The following FOXJ1 variants were observed in gnomAD, a reference collection of about 807,000 sequenced individuals.
FOXJ1 encodes the protein forkhead box protein J1.
FOXJ1 carries 8 observed loss-of-function variants against 29.3 expected under a neutral mutation model. That is an observed-to-expected ratio of 0.27 (90% CI 0.16 to 0.49). The LOEUF (loss-of-function observed/expected upper bound fraction) is 0.49, where lower values mean the gene tolerates loss of function less well. Ranked by LOEUF, FOXJ1 falls within the 20% of genes least tolerant of loss-of-function variation. The probability of loss-of-function intolerance (pLI) is 0.98; values close to 1 mark genes in which losing one functional copy is unlikely to be tolerated. For synonymous variants in FOXJ1, 280 were observed against 278.7 expected (o/e 1.00, Z -0.05); for missense variants, 539 against 595.5 (o/e 0.91, Z 0.99).
chr17:76,137,628 C>G lies in FOXJ1; in HGVS notation c.991G>C (p.Glu331Gln). 1 of 1,594,812 alleles carries G rather than the reference C, an allele frequency of 6.3e-7. No individual in the cohort carries two copies. Among genetic ancestry groups the G allele is most frequent in the African/African-American group, 1.3e-5 (1 of 74,714 alleles). Reference sequence around the variant, plus strand: ...GCGGGGCTCAGAGGCGGGCTCAGCTCCAGGGCCTCCAGTGCACCCAGCTCC... The same window carrying G: ...GCGGGGCTCAGAGGCGGGCTCAGCTGCAGGGCCTCCAGTGCACCCAGCTCC... The part of the protein sequence containing the change: ...GGELGALEAL[E>Q]LSPPLSPASH... The change falls in exon 3 of 3, where the codon GAG (glutamate) becomes CAG (glutamine). Residue 331 changes from glutamate to glutamine, a missense_variant. Physicochemically the swap from Glu to Gln is conservative, Grantham distance 29. Around this residue, in one of 3 missense-constraint regions of FOXJ1, gnomAD observed 302 missense variants for 293.6 expected, o/e 1.03. Transcript: ENST00000322957. This position sits in a 1 kb window ranked among gnomAD's most constrained non-coding sequence, Gnocchi z 9.5.
rs2068499436 is a variant in FOXJ1, at chr17:76,139,182, T to A, written c.498+716A>T. ...TGCTCAGTGCCTGGTTCCAGAGACG[T>A]GGAACACGAAGTGAGTGTGGTAGGC... On this transcript the variant is annotated intron_variant, in intron 2 of 2. Coordinates refer to ENST00000322957, the MANE Select transcript of FOXJ1 (RefSeq NM_001454.4). The surrounding 1 kb of genome is among the most constrained non-coding windows in gnomAD (Gnocchi z 6.6). 6.6e-6 allele frequency among the ~76,000 whole-genome samples: 1 copy of A among 151,992 alleles called. No homozygotes were observed. Among genetic ancestry groups the A allele is most frequent in the Non-Finnish European group, 1.5e-5 (1 of 67,986 alleles).
rs71382199 is a variant in FOXJ1, at chr17:76,139,855, G to C, written c.498+43C>G. On this transcript the variant is annotated intron_variant, in intron 2 of 2. Transcript: ENST00000322957. The surrounding 1 kb of genome is among the most constrained non-coding windows in gnomAD (Gnocchi z 6.6). Reference sequence around the variant, plus strand: ...AATCCAGTGCAGCGTGGGGAGCGAGGAGGGAATGGGGAGGGAGCGGCCGCC... The same window carrying C: ...AATCCAGTGCAGCGTGGGGAGCGAGCAGGGAATGGGGAGGGAGCGGCCGCC... 10,332 of 1,555,318 alleles carry C rather than the reference G, an allele frequency of 6.6e-3. 52 individuals carry two copies. The highest frequency in any genetic ancestry group is 0.013 in the Middle Eastern group (77 of 5,982).
In FOXJ1 at chr17:76,140,572, G is replaced by GC; in HGVS notation, c.-169-9_-169-8insG. On this transcript the variant is annotated splice_polypyrimidine_tract_variant and intron_variant, in intron 1 of 2. Coordinates refer to ENST00000322957, the MANE Select transcript of FOXJ1 (RefSeq NM_001454.4). The surrounding 1 kb of genome is among the most constrained non-coding windows in gnomAD (Gnocchi z 8.0). ...CGAATAAGTATGTGGTGCCTGCGAG[G>GC]ACCACGGTGGGAGCTGAGCACTACC... is the stretch of plus-strand genomic sequence containing the variant. The GC allele has an allele frequency of 1.8e-6, 1 of 556,760 alleles. No homozygotes were observed. Among genetic ancestry groups the GC allele is most frequent in the Non-Finnish European group, 3.0e-6 (1 of 331,546 alleles). 34.5% of individuals were successfully genotyped at this position (556,760 alleles called of 1,614,324 possible).
At chr17:76,138,925 TG>T (rs2068498154) in intron 2 of FOXJ1, among the ~76,000 whole-genome samples, 1 of 152,096 alleles carries the variant, frequency 6.6e-6, no homozygotes, top group South Asian at 2.1e-4. Flanking sequence ...TGGGCGTCCT[TG>T]GGGGGCCCCT....
chr17:76,137,691 C>A lies in FOXJ1; in HGVS notation c.928G>T (p.Asp310Tyr). 6.2e-7 allele frequency: 1 copy of A among 1,612,648 alleles called. No homozygotes were observed. ...GELEPLKGNF[D>Y]WEAIFDAGTL... ...CCGGCGTCGAAGATGGCCTCCCAGT[C>A]AAAGTTGCCTTTGAGGGGTTCCAGC... The change falls in exon 3 of 3, where the codon GAC becomes TAC. Residue 310 changes from aspartate (D) to tyrosine (Y), a missense_variant. Asp to Tyr is a radical substitution (Grantham distance 160, BLOSUM62 -3). Coordinates refer to ENST00000322957, the MANE Select transcript of FOXJ1 (RefSeq NM_001454.4). This position sits in a 1 kb window ranked among gnomAD's most constrained non-coding sequence, Gnocchi z 9.5.
At position 76,139,845 on chromosome 17, in the gene FOXJ1, G is replaced by A; in HGVS notation, c.498+53C>T. On this transcript the variant is annotated intron_variant, in intron 2 of 2. Coordinates refer to ENST00000322957, the MANE Select transcript of FOXJ1 (RefSeq NM_001454.4). The surrounding 1 kb of genome is among the most constrained non-coding windows in gnomAD (Gnocchi z 6.6). ...TTGGGATATGAATCCAGTGCAGCGT[G>A]GGGAGCGAGGAGGGAATGGGGAGGG... 2 of 1,543,654 alleles carry A rather than the reference G, an allele frequency of 1.3e-6. No homozygotes were observed. Among genetic ancestry groups the A allele is most frequent in the Non-Finnish European group, 1.8e-6 (2 of 1,140,802 alleles).
At chr17:76,138,311 G>C (rs1042888356) in intron 2 of FOXJ1, among the ~76,000 whole-genome samples, 191 bp from the exon 3 acceptor site, 1 of 152,222 alleles carries the variant, frequency 6.6e-6, no homozygotes, top group African/African-American at 2.4e-5. Flanking sequence ...CTGGGAGCCC[G>C]GAGTGCTGTC....
rs974181711 is a variant in FOXJ1, at chr17:76,137,845, G to C, written c.774C>G (p.Thr258=). ...QQLLREFEEA[T]GEAGWGAGEG... ...CGCCTGCACCCCAGCCCGCCTCCCC[G>C]GTGGCCTCCTCGAACTCCCGCAGCA... is the stretch of plus-strand genomic sequence containing the variant. Residue 258 remains threonine (T), a synonymous_variant, in exon 3 of 3, where the codon ACC becomes ACG. Transcript: ENST00000322957. The surrounding 1 kb of genome is among the most constrained non-coding windows in gnomAD (Gnocchi z 9.5). 1.9e-6 allele frequency: 3 copies of C among 1,591,980 alleles called. No individual in the cohort carries two copies. In the African/African-American group the frequency reaches 4.0e-5, roughly 21 times the overall value.
At chr17:76,138,686 A>G (rs1306843068) in intron 2 of FOXJ1, among the ~76,000 whole-genome samples, 1 of 148,906 alleles carries the variant, frequency 6.7e-6, no homozygotes, top group Non-Finnish European at 1.5e-5. Flanking sequence ...CCCTCCCCCC[A>G]CTCCAGGCTC....
At position 76,140,407 on chromosome 17, in the gene FOXJ1, C is replaced by G; in HGVS notation, c.-12G>C. ...CAGCTCTCCGCCATGTCTGCGGGGA[C>G]TCTCCGAGGGGGCGGTCAGCATCCA... On this transcript the variant is annotated 5_prime_UTR_variant, in exon 2 of 3. Coordinates refer to ENST00000322957, the MANE Select transcript of FOXJ1 (RefSeq NM_001454.4). This position sits in a 1 kb window ranked among gnomAD's most constrained non-coding sequence, Gnocchi z 8.0. 6.9e-7 allele frequency: 1 copy of G among 1,440,480 alleles called. No individual in the cohort carries two copies. Among genetic ancestry groups the G allele is most frequent in the Non-Finnish European group, 9.0e-7 (1 of 1,107,694 alleles). The allele number at this position is 1,440,480 out of a possible 1,614,324, so 89.2% of individuals were successfully genotyped here.
chr17:76,138,310 C>T (rs563610807), intron 2 of FOXJ1, among the ~76,000 whole-genome samples, 190 bp from the exon 3 acceptor site: 9 of 152,320 alleles, frequency 5.9e-5, no homozygotes, highest in African/African-American at 2.2e-4. Context: ...ACTGGGAGCC[C>T]GGAGTGCTGT....
In FOXJ1 at chr17:76,137,920, G is replaced by A. The variant is rs757724339; in HGVS notation, c.699C>T (p.Ser233=). 8 of 1,571,482 alleles carry A rather than the reference G, an allele frequency of 5.1e-6. No homozygotes were observed. The highest frequency in any genetic ancestry group is 3.7e-5 in the Admixed American group (2 of 53,504). The change falls in exon 3 of 3, where the codon AGC becomes AGT. Residue 233 remains serine, a synonymous_variant. Coordinates refer to ENST00000322957, the MANE Select transcript of FOXJ1 (RefSeq NM_001454.4). This position sits in a 1 kb window ranked among gnomAD's most constrained non-coding sequence, Gnocchi z 9.5. ...AFARQAAQEP[S]AVPRAGPLTV... is the part of the protein sequence containing the mutation. The stretch of plus-strand genomic sequence containing the variant: ...TCAGCGGCCCGGCCCGGGGGACAGC[G>A]CTGGGCTCCTGCGCGGCCTGGCGGG...
At position 76,139,195 on chromosome 17, in the gene FOXJ1, GAGTGTGGT is replaced by G. The variant is rs1487376581; in HGVS notation, c.498+695_498+702del. On this transcript the variant is annotated intron_variant, in intron 2 of 2. Transcript: ENST00000322957. The surrounding 1 kb of genome is among the most constrained non-coding windows in gnomAD (Gnocchi z 6.6). ...GTTCCAGAGACGTGGAACACGAAGT[GAGTGTGGT>G]AGGCAGAGCCCCAGTGGAAGGCACC... 2.6e-5 allele frequency among the ~76,000 whole-genome samples: 4 copies of G among 152,172 alleles called. No individual in the cohort carries two copies. Among genetic ancestry groups the G allele is most frequent in the Non-Finnish European group, 5.9e-5 (4 of 68,020 alleles).
rs751106371 is a variant in FOXJ1, at chr17:76,137,620, G to T, written c.999C>A (p.Ser333Arg). Residue 333 changes from serine to arginine, a missense_variant, in exon 3 of 3, where the codon AGC becomes AGA. Coordinates refer to ENST00000322957, the MANE Select transcript of FOXJ1 (RefSeq NM_001454.4). The surrounding 1 kb of genome is among the most constrained non-coding windows in gnomAD (Gnocchi z 9.5). ...CGTGTGAGGCGGGGCTCAGAGGCGG[G>T]CTCAGCTCCAGGGCCTCCAGTGCAC... Reference protein sequence around the residue: ...ELGALEALELSPPLSPASHVD... With the variant: ...ELGALEALELRPPLSPASHVD... 3.8e-6 allele frequency: 6 copies of T among 1,591,010 alleles called. No individual in the cohort carries two copies. Among genetic ancestry groups the T allele is most frequent in the Non-Finnish European group, 5.1e-6 (6 of 1,168,650 alleles).
At chr17:76,138,897 G>T (rs971998468) in intron 2 of FOXJ1, among the ~76,000 whole-genome samples, 1 of 152,184 alleles carries the variant, frequency 6.6e-6, no homozygotes, top group Non-Finnish European at 1.5e-5. Flanking sequence ...CCCGCTTTGG[G>T]TGCTTCAGGG....
chr17:76,140,765 C>A lies in FOXJ1; in HGVS notation c.-169-201G>T. ...CCTTTCCTCTTCGAGGTTTTATTAG[C>A]CAAATGAAGAGGGTAGGGGCATCCG... is the stretch of plus-strand genomic sequence containing the variant. On this transcript the variant is annotated intron_variant, in intron 1 of 2. Coordinates refer to ENST00000322957, the MANE Select transcript of FOXJ1 (RefSeq NM_001454.4). The surrounding 1 kb of genome is among the most constrained non-coding windows in gnomAD (Gnocchi z 8.0). 1 of 214,766 alleles carries A rather than the reference C, an allele frequency of 4.7e-6. No individual in the cohort carries two copies. Among genetic ancestry groups the A allele is most frequent in the Middle Eastern group, 1.6e-3 (1 of 618 alleles). The allele number at this position is 214,766 out of a possible 1,614,324, so 13.3% of individuals were successfully genotyped here. A position where few individuals can be genotyped will look rare whatever the true frequency, so the allele number is the denominator to read the frequency against.
chr17:76,140,752 G>T lies in FOXJ1; in HGVS notation c.-169-188C>A. ...CTGCCTCCCTCTTCCTTTCCTCTTC[G>T]AGGTTTTATTAGCCAAATGAAGAGG... is the stretch of plus-strand genomic sequence containing the variant. On this transcript the variant is annotated intron_variant, in intron 1 of 2. Coordinates refer to ENST00000322957, the MANE Select transcript of FOXJ1 (RefSeq NM_001454.4). This position sits in a 1 kb window ranked among gnomAD's most constrained non-coding sequence, Gnocchi z 8.0. 1 of 236,188 alleles carries T rather than the reference G, an allele frequency of 4.2e-6. No individual in the cohort carries two copies. The highest frequency in any genetic ancestry group is 8.1e-6 in the Non-Finnish European group (1 of 123,068). 14.6% of individuals were successfully genotyped at this position (236,188 alleles called of 1,614,324 possible). A position where few individuals can be genotyped will look rare whatever the true frequency, so the allele number is the denominator to read the frequency against.
At position 76,140,371 on chromosome 17, in the gene FOXJ1, A is replaced by T. The variant is rs1167698924; in HGVS notation, c.25T>A (p.Ser9Thr). The change falls in exon 2 of 3, where the codon TCG becomes ACG. Residue 9 changes from serine (S) to threonine (T), a missense_variant. Ser to Thr is a moderately conservative substitution (Grantham distance 58, BLOSUM62 1). Coordinates refer to ENST00000322957, the MANE Select transcript of FOXJ1 (RefSeq NM_001454.4). The surrounding 1 kb of genome is among the most constrained non-coding windows in gnomAD (Gnocchi z 8.0). ...GCCTCCTCCGCCGGCCCGGCTCCCG[A>T]GAGGCGCAGCCAGCTCTCCGCCATG... MAESWLRLSGAGPAEEAGP... is the reference protein window; with the variant it reads MAESWLRLTGAGPAEEAGP... 6.7e-7 allele frequency: 1 copy of T among 1,488,074 alleles called. No individual in the cohort carries two copies. Among genetic ancestry groups the T allele is most frequent in the Non-Finnish European group, 8.9e-7 (1 of 1,126,666 alleles). 92.2% of individuals were successfully genotyped at this position (1,488,074 alleles called of 1,614,324 possible). A position where few individuals can be genotyped will look rare whatever the true frequency, so the allele number is the denominator to read the frequency against.
At chr17:76,138,577 A>G (rs1378769550) in intron 2 of FOXJ1, among the ~76,000 whole-genome samples, 2 of 150,750 alleles carry the variant, frequency 1.3e-5, no homozygotes, top group African/African-American at 2.5e-5. Context: ...AGGAAGGGGG[A>G]GAGAGAGAGA....
Sources: gnomAD v4.1 joint callset for allele counts (sites outside exome capture counted in the v4.1 genomes callset) on GRCh38, gnomAD v4.1.1 for gene constraint, gnomAD v4.1.1 regional missense constraint, Gnocchi (gnomAD v3.1) non-coding constraint, MANE v1.5 for transcripts, NCBI Gene and HGNC (gene_info 2026-07-23, HGNC 2026-07-21) for gene names.